The following PSMG4 variants were observed in gnomAD, a reference collection of about 807,000 sequenced individuals.
PSMG4 encodes proteasome assembly chaperone 4, also known as proteasome (prosome, macropain) assembly chaperone 4.
PSMG4 carries 10 observed loss-of-function variants against 11.0 expected under a neutral mutation model. That is an observed-to-expected ratio of 0.91 (90% CI 0.56 to 1.54). The LOEUF (loss-of-function observed/expected upper bound fraction) is 1.54, where lower values mean the gene tolerates loss of function less well. PSMG4 is among the 40% of genes most tolerant of loss of function. PSMG4 has a pLI of 0.00. For missense variants in PSMG4, 198 were observed against 160.9 expected (o/e 1.23, Z -1.25); for synonymous variants, 95 against 71.3 (o/e 1.33, Z -1.68).
At chr6:3,255,819 T>C (rs549839690), upstream of PSMG4, among the ~76,000 whole-genome samples, 9 of 152,324 alleles carry the variant, frequency 5.9e-5, no homozygotes, top group East Asian at 1.5e-3. Flanking sequence ...AGATTAGAAT[T>C]GTGGGCAAAA....
At chr6:3,260,291 A>ATTTTTTTTTTTTTTTTTTTTTTTTTTT (rs869076629) in intron 1 of PSMG4, among the ~76,000 whole-genome samples, 9 of 70,840 alleles carry the variant, frequency 1.3e-4, no homozygotes, top group Non-Finnish European at 1.8e-4. Flanking sequence ...ATATATATAT[A>ATTTTTTTTTTTTTTTTTTTTTTTTTTT]TTTTTTTTTT....
At chr6:3,264,039 C>T (rs1202280856) in intron 2 of PSMG4, 18 of 1,399,106 alleles carry the variant, frequency 1.3e-5, no homozygotes, top group East Asian at 5.0e-5. Flanking sequence ...AGTTGCCTTC[C>T]GTAAGTGCAT....
chr6:3,255,280 T>G, upstream of PSMG4: 1 of 1,539,462 alleles, frequency 6.5e-7, no homozygotes, highest in Non-Finnish European at 8.8e-7. Flanking sequence ...GTCTTACGGG[T>G]CTATCGGTGC....
Position 3,260,275 on chromosome 6 carries a change from T to TTTTATATATATATA in PSMG4, c.174+1080_174+1081insTTATATATATATAT, listed in dbSNP as rs1261021278. 1.2e-4 allele frequency among the ~76,000 whole-genome samples: 8 copies of TTTTATATATATATA among 69,084 alleles called. 1 individual carries two copies. The highest frequency in any genetic ancestry group is 5.8e-4 in the East Asian group (2 of 3,442). The allele number at this position is 69,084 out of a possible 152,430, so 45.3% of individuals were successfully genotyped here. ...TACTCCAGTATAACCTTGTCTTAAA[T>TTTTATATATATATA]TGTATATATATATATATTTTTTTTT... On this transcript the variant is annotated intron_variant, in intron 1 of 2. Coordinates refer to ENST00000438998, the MANE Select transcript of PSMG4 (RefSeq NM_001128591.2).
chr6:3,257,299 C>T (rs942635958), upstream of PSMG4, among the ~76,000 whole-genome samples: 1 of 152,150 alleles, frequency 6.6e-6, no homozygotes. Context: ...CTGGCTGTGA[C>T]CCTCTGCCTG....
chr6:3,257,984 A>G (rs1320208084), upstream of PSMG4, among the ~76,000 whole-genome samples: 3 of 152,248 alleles, frequency 2.0e-5, no homozygotes, highest in Non-Finnish European at 4.4e-5. Context: ...TAGTCAACTT[A>G]GATCTATTAG....
intron 2 of PSMG4, chr6:3,264,370 G>A: frequency 3.3e-6 from 5 of 1,534,090 alleles, no homozygotes; most frequent in Non-Finnish European, 4.4e-6. Context: ...CAGTGCCTGT[G>A]GCCAGTGTGC....
intron 1 of PSMG4, among the ~76,000 whole-genome samples, chr6:3,260,338 C>T (rs1291654359): frequency 8.2e-6 from 1 of 122,476 alleles, no homozygotes; most frequent in African/African-American, 2.9e-5. Context: ...GTCGCCCAGG[C>T]TGGAGTGCAA....
At chr6:3,266,477 A>T (rs1241731226) in intron 2 of PSMG4, 2 of 152,168 alleles carry the variant, frequency 1.3e-5, no homozygotes, top group Non-Finnish European at 2.9e-5. Context: ...AGGGGTGAGT[A>T]GTTCTGCACT....
chr6:3,254,853 CAG>C (rs1757693684), upstream of PSMG4, among the ~76,000 whole-genome samples: 1 of 152,186 alleles, frequency 6.6e-6, no homozygotes, highest in Non-Finnish European at 1.5e-5. Flanking sequence ...CACTTTAACT[CAG>C]GGTGAACATG....
At chr6:3,255,663 C>G (rs929932884), upstream of PSMG4, among the ~76,000 whole-genome samples, 1 of 152,166 alleles carries the variant, frequency 6.6e-6, no homozygotes, top group Non-Finnish European at 1.5e-5. Context: ...GTCCGAGAGC[C>G]TTAAGTGATT....
At chr6:3,256,741 A>C (rs1224374851), upstream of PSMG4, among the ~76,000 whole-genome samples, 1 of 152,236 alleles carries the variant, frequency 6.6e-6, no homozygotes, top group Admixed American at 6.5e-5. Context: ...ATGGCCCATC[A>C]GAGTTGTGAG....
intron 2 of PSMG4, 186 bp downstream of exon 2, chr6:3,263,945 C>A: frequency 7.2e-7 from 1 of 1,388,370 alleles, no homozygotes; most frequent in Non-Finnish European, 9.6e-7. Context: ...GCTCGCCTGT[C>A]ATCACCACCG....
upstream of PSMG4, among the ~76,000 whole-genome samples, chr6:3,256,518 C>T (rs369845144): frequency 1.4e-4 from 21 of 152,338 alleles, no homozygotes; most frequent in Non-Finnish European, 5.9e-5. Context: ...ATTTGGGGAA[C>T]GGCTGGGGCG....
At chr6:3,254,935 C>A (rs1447583865), upstream of PSMG4, 6 of 1,185,000 alleles carry the variant, frequency 5.1e-6, no homozygotes, top group Non-Finnish European at 7.0e-6. Flanking sequence ...CATTCTCTCA[C>A]TGGGTGTCAG....
upstream of PSMG4, chr6:3,255,259 T>TTA: frequency 6.5e-7 from 1 of 1,546,642 alleles, no homozygotes; most frequent in Non-Finnish European, 8.7e-7. Context: ...GGGTTCTGTG[T>TTA]TACCACGGCT....
At chr6:3,262,991 C>A (rs953164667) in intron 1 of PSMG4, among the ~76,000 whole-genome samples, 1 of 152,206 alleles carries the variant, frequency 6.6e-6, no homozygotes, top group Non-Finnish European at 1.5e-5. Flanking sequence ...TGAGAGATTA[C>A]TCCCAAAGTA....
chr6:3,255,907 A>G (rs1757746679), upstream of PSMG4, among the ~76,000 whole-genome samples: 1 of 152,154 alleles, frequency 6.6e-6, no homozygotes, highest in Admixed American at 6.5e-5. Flanking sequence ...TAGAAAACAC[A>G]TTTGCTGCAT....
At chr6:3,254,750 T>C (rs11242829), upstream of PSMG4, among the ~76,000 whole-genome samples, 95,866 of 152,180 alleles carry the variant, frequency 0.63, 36,076 homozygotes, top group Non-Finnish European at 0.83. Context: ...GTGCCTCTTT[T>C]AAAAACTGTA....
Sources: gnomAD v4.1 joint callset for allele counts (sites outside exome capture counted in the v4.1 genomes callset) on GRCh38, gnomAD v4.1.1 for gene constraint, MANE v1.5 for transcripts, NCBI Gene and HGNC (gene_info 2026-07-23, HGNC 2026-07-21) for gene names.